FSTL5: variants seen among roughly 807,000 people sequenced by gnomAD.
FSTL5 encodes the protein follistatin like 5.
A neutral mutation model predicts 89.1 loss-of-function variants in FSTL5; 62 were observed. The observed-to-expected ratio is 0.70, with a 90% CI of 0.57 to 0.86. The LOEUF (loss-of-function observed/expected upper bound fraction) is 0.86, where lower values mean the gene tolerates loss of function less well. FSTL5 is among the 40% of genes least tolerant of loss of function. FSTL5 has a pLI of 0.00. For missense variants in FSTL5, 1,057 were observed against 1,001.6 expected, an observed-to-expected ratio of 1.06 and a Z score of -0.75; for synonymous variants, 383 against 346.2, an observed-to-expected ratio of 1.11 and a Z score of -1.18.
intron 3 of FSTL5, among the ~76,000 whole-genome samples, chr4:161,939,288 C>G (rs1361325111): frequency 6.6e-6 from 1 of 151,750 alleles, no homozygotes; most frequent in Non-Finnish European, 1.5e-5. Flanking sequence ...TAAATTGGAA[C>G]AGTGAGCAAA....
At chr4:161,575,102 T>C (rs1454119206) in intron 8 of FSTL5, among the ~76,000 whole-genome samples, 1 of 152,224 alleles carries the variant, frequency 6.6e-6, no homozygotes, top group Non-Finnish European at 1.5e-5. Context: ...TAACCAGTGA[T>C]GATGAAATTT....
chr4:162,100,377 G>A (rs563361522), intron 2 of FSTL5, among the ~76,000 whole-genome samples: 11 of 152,128 alleles, frequency 7.2e-5, no homozygotes, highest in East Asian at 1.9e-4. Flanking sequence ...TGGCTAACAC[G>A]GTGAAACCCC....
chr4:161,565,217 T>C (rs73859597), intron 8 of FSTL5, among the ~76,000 whole-genome samples: 2,002 of 139,362 alleles, frequency 0.014, 39 homozygotes, highest in African/African-American at 0.05. Flanking sequence ...ATTTGACATA[T>C]CTTGCCTATC....
chr4:162,084,065 A>T (rs1298535148), intron 2 of FSTL5, among the ~76,000 whole-genome samples: 3 of 152,000 alleles, frequency 2.0e-5, no homozygotes, highest in Non-Finnish European at 4.4e-5. Flanking sequence ...ACTAACAGGG[A>T]TGATATATGC....
chr4:161,411,775 G>T (rs901827242), intron 15 of FSTL5, among the ~76,000 whole-genome samples: 33 of 152,254 alleles, frequency 2.2e-4, no homozygotes, highest in African/African-American at 7.9e-4. Flanking sequence ...AGAACTGGAA[G>T]AAGACAAGAA....
intron 8 of FSTL5, among the ~76,000 whole-genome samples, chr4:161,555,672 T>C (rs1006010714): frequency 6.6e-6 from 1 of 151,534 alleles, no homozygotes; most frequent in African/African-American, 2.4e-5. Flanking sequence ...ATTTCTCCAT[T>C]TGTAAAATTT....
intron 4 of FSTL5, among the ~76,000 whole-genome samples, chr4:161,831,626 C>A (rs1730847267): frequency 6.6e-6 from 1 of 151,778 alleles, no homozygotes; most frequent in Admixed American, 6.6e-5. Flanking sequence ...ATTTCAATTT[C>A]TTGCTATTGA....
At chr4:161,936,858 A>C (rs1462157651) in intron 3 of FSTL5, among the ~76,000 whole-genome samples, 1 of 152,146 alleles carries the variant, frequency 6.6e-6, no homozygotes, top group African/African-American at 2.4e-5. Context: ...AATCTTAGCC[A>C]TCAGGCAGAT....
In FSTL5 at chr4:161,559,462, G is replaced by A. The variant is rs1023437490; in HGVS notation, c.1016-16769C>T. On this transcript the variant is annotated intron_variant, in intron 8 of 15. Transcript: ENST00000306100. The stretch of plus-strand genomic sequence containing the variant: ...CCTCTACTCTTTCCACTTTTCAAAT[G>A]TACATTTTAGTTTTAAAATTGTCAC... 1.1e-4 allele frequency among the ~76,000 whole-genome samples: 16 copies of A among 149,822 alleles called. No homozygotes were observed. The Admixed American group carries it at 1.1e-3, about 10-fold the overall frequency.
intron 7 of FSTL5, among the ~76,000 whole-genome samples, chr4:161,645,144 G>A (rs1163917012): frequency 6.6e-6 from 1 of 151,884 alleles, no homozygotes; most frequent in East Asian, 1.9e-4. Context: ...CATAGCAGTT[G>A]TAGCCATGAG....
At chr4:161,726,227 C>CTTTTTTTT (rs5863477) in intron 6 of FSTL5, among the ~76,000 whole-genome samples, 304 of 113,620 alleles carry the variant, frequency 2.7e-3, no homozygotes, top group African/African-American at 3.2e-3. Flanking sequence ...TTTTCTTTTT[C>CTTTTTTTT]TTTTTTTTTT....
intron 4 of FSTL5, among the ~76,000 whole-genome samples, chr4:161,874,155 A>G (rs1222392313): frequency 6.6e-6 from 1 of 152,092 alleles, no homozygotes; most frequent in Non-Finnish European, 1.5e-5. Flanking sequence ...TAGTCTCCTA[A>G]CAGCAGTGAA....
chr4:161,579,123 A>G (rs1733338387), intron 8 of FSTL5, among the ~76,000 whole-genome samples: 1 of 152,208 alleles, frequency 6.6e-6, no homozygotes, highest in Non-Finnish European at 1.5e-5. Context: ...AAAATGGAAC[A>G]ATATACTGTG....
intron 2 of FSTL5, chr4:162,035,226 T>C (rs904652799): frequency 2.2e-4 from 33 of 152,066 alleles, no homozygotes; most frequent in African/African-American, 8.0e-4. Context: ...TTCCCGTTGA[T>C]GAGACTATAC....
At chr4:161,881,723 CAAAT>C (rs1402421932) in intron 4 of FSTL5, among the ~76,000 whole-genome samples, 15 of 152,050 alleles carry the variant, frequency 9.9e-5, no homozygotes, top group African/African-American at 3.4e-4. Flanking sequence ...AACAAACAAA[CAAAT>C]AAATCTACTT....
intron 1 of FSTL5, among the ~76,000 whole-genome samples, chr4:162,128,086 T>A (rs1732154241): frequency 7.0e-6 from 1 of 142,070 alleles, no homozygotes; most frequent in South Asian, 2.3e-4. Context: ...TTATATGTAT[T>A]TGAAAGACAC....
chr4:162,116,597 T>TTGG, intron 1 of FSTL5, among the ~76,000 whole-genome samples: 1 of 152,208 alleles, frequency 6.6e-6, no homozygotes, highest in Non-Finnish European at 1.5e-5. Flanking sequence ...GGAGGCTACA[T>TTGG]CAGGAATAAG....
chr4:161,955,737 T>A lies in FSTL5; in HGVS notation c.161-35085A>T, dbSNP rs114480263. On this transcript the variant is annotated intron_variant, in intron 3 of 15. Transcript: ENST00000306100. ...CCTTCCTTTGGAATGCGCAAGTGAG[T>A]CTAGCCTAGTATATTCAGCATCTGT... Among the ~76,000 whole-genome samples, 647 of 151,918 alleles carry A rather than the reference T, an allele frequency of 4.3e-3. 4 individuals are homozygous for A. Among genetic ancestry groups the A allele is most frequent in the Non-Finnish European group, 6.9e-3 (467 of 67,820 alleles).
rs145278423 is a variant in FSTL5, at chr4:161,949,067, G to A, written c.161-28415C>T. On this transcript the variant is annotated intron_variant, in intron 3 of 15. Transcript: ENST00000306100. ...GGCAGGGCTGTGTTCCTTCTGGGAG[G>A]TTCTAGGGGAGAATCTGTTTCCTTC... 3.8e-3 allele frequency among the ~76,000 whole-genome samples: 583 copies of A among 152,234 alleles called. 6 individuals are homozygous for A. The highest frequency in any genetic ancestry group is 3.4e-3 in the Non-Finnish European group (229 of 68,000).
Sources: gnomAD v4.1 joint callset for allele counts (sites outside exome capture counted in the v4.1 genomes callset) on GRCh38, gnomAD v4.1.1 for gene constraint, MANE v1.5 for transcripts, NCBI Gene and HGNC (gene_info 2026-07-23, HGNC 2026-07-21) for gene names.